THYN1: variants seen among roughly 807,000 people sequenced by gnomAD.
The protein encoded by THYN1 is thymocyte nuclear protein 1, also known as thymocyte protein thy28.
A neutral mutation model predicts 30.6 loss-of-function variants in THYN1; 32 were observed. The observed-to-expected ratio is 1.05, with a 90% CI of 0.79 to 1.40. The LOEUF is 1.40. THYN1 is among the 40% of genes most tolerant of loss of function. THYN1 has a pLI of 0.00. For missense variants in THYN1, 259 were observed against 272.6 expected (o/e 0.95, Z 0.35); for synonymous variants, 107 against 90.8 (o/e 1.18, Z -1.01).
At position 134,250,450 on chromosome 11, in the gene THYN1, A is replaced by G. The variant is rs1255437784; in HGVS notation, c.223-107T>C. On this transcript the variant is annotated intron_variant, in intron 2 of 6. Coordinates refer to ENST00000341541, the MANE Select transcript of THYN1 (RefSeq NM_014174.3). Reference sequence around the variant, plus strand: ...CCTAAAATGAGAGGGGCCACTGGCTATAGAGGAAGTATGTAGTTCACCGGG... The same window carrying G: ...CCTAAAATGAGAGGGGCCACTGGCTGTAGAGGAAGTATGTAGTTCACCGGG... 5.8e-6 allele frequency: 7 copies of G among 1,216,002 alleles called. No individual in the cohort carries two copies. In the African/African-American group the frequency reaches 1.0e-4, roughly 18 times the overall value. The allele number at this position is 1,216,002 out of a possible 1,614,324, so 75.3% of individuals were successfully genotyped here. A position where few individuals can be genotyped will look rare whatever the true frequency, so the allele number is the denominator to read the frequency against.
At chr11:134,248,589 C>T (rs1591490175) in intron 6 of THYN1, 105 bp from the exon 7 acceptor site, 2 of 1,456,638 alleles carry the variant, frequency 1.4e-6, no homozygotes, top group Non-Finnish European at 1.9e-6. Context: ...CTAAGGCGAG[C>T]AGTCATTCGT....
rs770128001 is a variant in THYN1 at position 134,249,215 on chromosome 11, ATT to A, written c.430_431del (p.Asn144SerfsTer4). 5 of 1,614,128 alleles carry A rather than the reference ATT, an allele frequency of 3.1e-6. No individual in the cohort carries two copies. The South Asian group carries it at 4.4e-5, about 14-fold the overall frequency. ...CTTTGCTAGATGGGTCATAATGGGG[ATT>A]GTTTTTCTCAAACTGTGTGTGGTCT... ...YPDHTQFEKN[N>X]PHYDPSSKED... On this transcript the variant is annotated frameshift_variant, in exon 5 of 7. Transcript: ENST00000341541. LOFTEE classifies it high-confidence loss of function.
chr11:134,250,072 GAC>G (rs1427247132), intron 3 of THYN1, 152 bp from the exon 4 acceptor site: 1 of 977,828 alleles, frequency 1.0e-6, no homozygotes, highest in African/African-American at 1.7e-5. Flanking sequence ...AGGACACCCA[GAC>G]TTTTACCAGG....
rs766096798 is a variant in THYN1 at position 134,250,285 on chromosome 11, C to A, written c.281G>T (p.Arg94Leu). ...TCCTTACCCTCTTACCTGGTAGTTA[C>A]GAACACCATCCCAGCATGTTGTCTG... Reference protein sequence around the residue: ...PKQTTCWDGVRNYQARNFLRA... With the variant: ...PKQTTCWDGVLNYQARNFLRA... Residue 94 changes from arginine to leucine, a missense_variant, in exon 3 of 7, where the codon CGT becomes CTT. Physicochemically the swap from Arg to Leu is moderately radical, Grantham distance 102. Transcript: ENST00000341541. 1 of 1,614,144 alleles carries A rather than the reference C, an allele frequency of 6.2e-7. No individual in the cohort carries two copies. Among genetic ancestry groups the A allele is most frequent in the East Asian group, 2.2e-5 (1 of 44,878 alleles).
At position 134,248,811 on chromosome 11, in the gene THYN1, T is replaced by C. The variant is rs781269466; in HGVS notation, c.629A>G (p.Gln210Arg). 3.7e-6 allele frequency: 6 copies of C among 1,614,130 alleles called. No homozygotes were observed. The highest frequency in any genetic ancestry group is 5.1e-6 in the Non-Finnish European group (6 of 1,179,966). Residue 210 changes from glutamine to arginine, a missense_variant and splice_region_variant, in exon 6 of 7, where the codon CAG becomes CGG. Gln to Arg is a conservative substitution (Grantham distance 43). Coordinates refer to ENST00000341541, the MANE Select transcript of THYN1 (RefSeq NM_014174.3). ...RQRLSIQPLT[Q>R]EEFDFVLSLE... Reference sequence around the variant, plus strand: ...TAAAGGAGAGGGCCCACTCTTACCCTGGGTCAGGGGCTGGATTGATAATCT... The same window carrying C: ...TAAAGGAGAGGGCCCACTCTTACCCCGGGTCAGGGGCTGGATTGATAATCT...
chr11:134,250,744 G>C (rs949180715), intron 2 of THYN1, among the ~76,000 whole-genome samples: 1 of 152,194 alleles, frequency 6.6e-6, no homozygotes, highest in African/African-American at 2.4e-5. Context: ...TAAGATTGAG[G>C]TTGGCAGACT....
chr11:134,253,009 T>C lies in THYN1; in HGVS notation c.-127A>G. ...GCAACGAGAGGCAGCCTAGAACGTC[T>C]CCAACTTTTGCGAAACACAGACGCC... On this transcript the variant is annotated 5_prime_UTR_variant, in exon 1 of 7. Transcript: ENST00000341541. 2 of 1,450,724 alleles carry C rather than the reference T, an allele frequency of 1.4e-6. No homozygotes were observed. Among genetic ancestry groups the C allele is most frequent in the Non-Finnish European group, 1.8e-6 (2 of 1,107,290 alleles). The allele number at this position is 1,450,724 out of a possible 1,614,324, so 89.9% of individuals were successfully genotyped here. A position where few individuals can be genotyped will look rare whatever the true frequency, so the allele number is the denominator to read the frequency against.
chr11:134,248,727 G>A (rs1369510153), intron 6 of THYN1, 82 bp downstream of exon 6: 1 of 1,574,052 alleles, frequency 6.4e-7, no homozygotes, highest in Non-Finnish European at 8.7e-7. Flanking sequence ...GAAGTACCAT[G>A]CCCAAGTTTA....
In THYN1 at chr11:134,253,307, C is replaced by A; in HGVS notation, c.-425G>T. ...ATTTGCTGGCTACAGACCCAACACT[C>A]TGCAGACTCGACTGCGGTCCGCCTC... On this transcript the variant is annotated 5_prime_UTR_variant, in exon 1 of 7. Transcript: ENST00000341541. 1 of 1,393,496 alleles carries A rather than the reference C, an allele frequency of 7.2e-7. No individual in the cohort carries two copies. The highest frequency in any genetic ancestry group is 9.3e-7 in the Non-Finnish European group (1 of 1,074,286). The allele number at this position is 1,393,496 out of a possible 1,614,324, so 86.3% of individuals were successfully genotyped here. A position where few individuals can be genotyped will look rare whatever the true frequency, so the allele number is the denominator to read the frequency against.
chr11:134,249,987 T>A, intron 3 of THYN1, 67 bp from the exon 4 acceptor site: 1 of 1,494,238 alleles, frequency 6.7e-7, no homozygotes, highest in Non-Finnish European at 9.2e-7. Flanking sequence ...TTAGCAGAAA[T>A]CAAGTCTGCT....
chr11:134,253,211 G>A lies in THYN1; in HGVS notation c.-329C>T. On this transcript the variant is annotated 5_prime_UTR_variant, in exon 1 of 7. Coordinates refer to ENST00000341541, the MANE Select transcript of THYN1 (RefSeq NM_014174.3). ...AGACACTTTTGTTGGGTGAATATAA[G>A]TAAGCCTTGTGTTACCTTGTTATCC... 26 of 1,321,490 alleles carry A rather than the reference G, an allele frequency of 2.0e-5. No individual in the cohort carries two copies. Among genetic ancestry groups the A allele is most frequent in the Non-Finnish European group, 2.3e-5 (24 of 1,037,456 alleles). 81.9% of individuals were successfully genotyped at this position (1,321,490 alleles called of 1,614,324 possible).
chr11:134,248,912 A>G lies in THYN1; in HGVS notation c.528T>C (p.Ala176=), dbSNP rs1178577473. The G allele has an allele frequency of 4.3e-6, 7 of 1,614,250 alleles. No individual in the cohort carries two copies. The highest frequency in any genetic ancestry group is 5.1e-6 in the Non-Finnish European group (6 of 1,180,048). ...VRMMKRFIPL[A]ELKSYHQAHK... The stretch of plus-strand genomic sequence containing the variant: ...GAGCTTGATGATAGGATTTGAGCTC[A>G]GCCAGGGGAATGAAACGTTTCATCA... The change falls in exon 6 of 7, where the codon GCT becomes GCC. Residue 176 remains alanine (A), a synonymous_variant. Coordinates refer to ENST00000341541, the MANE Select transcript of THYN1 (RefSeq NM_014174.3).
intron 4 of THYN1, 69 bp from the exon 5 acceptor site, chr11:134,249,331 A>G (rs1424489097): frequency 2.7e-6 from 4 of 1,481,846 alleles, no homozygotes; most frequent in African/African-American, 2.8e-5. Context: ...TTTAATCCAT[A>G]TCCAACTTTC....
chr11:134,248,344 A>G lies in THYN1; in HGVS notation c.*94T>C, dbSNP rs1035908886. 1.5e-6 allele frequency: 2 copies of G among 1,378,898 alleles called. No homozygotes were observed. Among genetic ancestry groups the G allele is most frequent in the African/African-American group, 2.9e-5 (2 of 70,150 alleles). The allele number at this position is 1,378,898 out of a possible 1,614,324, so 85.4% of individuals were successfully genotyped here. A position where few individuals can be genotyped will look rare whatever the true frequency, so the allele number is the denominator to read the frequency against. ...ACCACTGAGGTACACAAGCCCAGGT[A>G]AGCATACCAAGCAAGCCCCCTCACA... On this transcript the variant is annotated 3_prime_UTR_variant, in exon 7 of 7. Transcript: ENST00000341541.
intron 5 of THYN1, 75 bp from the exon 6 acceptor site, chr11:134,249,034 A>T: frequency 6.3e-7 from 1 of 1,586,228 alleles, no homozygotes; most frequent in Non-Finnish European, 8.6e-7. Context: ...AACCGCCCAC[A>T]GGAAGCTCCT....
intron 4 of THYN1, 40 bp from the exon 5 acceptor site, chr11:134,249,302 T>C (rs561173354): frequency 6.3e-7 from 1 of 1,584,418 alleles, no homozygotes; most frequent in East Asian, 2.2e-5. Flanking sequence ...CTGCCTGCAG[T>C]CAGCTCCACA....
rs1285692657 is a variant in THYN1, at chr11:134,251,242, T to C, written c.110A>G (p.Asp37Gly). 2 of 1,614,162 alleles carry C rather than the reference T, an allele frequency of 1.2e-6. No homozygotes were observed. The highest frequency in any genetic ancestry group is 4.5e-5 in the East Asian group (2 of 44,884). ...NSGEALAKVE[D>G]SNPQKTSATK... The stretch of plus-strand genomic sequence containing the variant: ...GGCTGAAGTCTTCTGAGGGTTGGAG[T>C]CCTCCACTTTAGCTAATGCCTCACC... Residue 37 changes from aspartate to glycine, a missense_variant, in exon 2 of 7, where the codon GAC becomes GGC. Coordinates refer to ENST00000341541, the MANE Select transcript of THYN1 (RefSeq NM_014174.3).
In THYN1 at chr11:134,249,171, G is replaced by C. The variant is rs775169653; in HGVS notation, c.476C>G (p.Ser159Cys). ...AATAGAAAGCATAGTCTTTACCATGGACCACTTAGGGTTGTCCTCTTTGCT... is the reference window on the plus strand; with the variant it reads ...AATAGAAAGCATAGTCTTTACCATGCACCACTTAGGGTTGTCCTCTTTGCT... ...PSSKEDNPKW[S>C]MVDVQFVRMM... The change falls in exon 5 of 7, where the codon TCC (serine) becomes TGC (cysteine). Residue 159 changes from serine to cysteine, a missense_variant. By Grantham distance (112) the Ser-to-Cys change is moderately radical (BLOSUM62 -1). Coordinates refer to ENST00000341541, the MANE Select transcript of THYN1 (RefSeq NM_014174.3). The C allele has an allele frequency of 6.2e-7, 1 of 1,611,652 alleles. No homozygotes were observed. The highest frequency in any genetic ancestry group is 1.3e-5 in the African/African-American group (1 of 74,756).
chr11:134,250,696 C>T (rs748942609), intron 2 of THYN1, among the ~76,000 whole-genome samples: 3 of 152,176 alleles, frequency 2.0e-5, no homozygotes, highest in Non-Finnish European at 4.4e-5. Flanking sequence ...GGCAGGGAGA[C>T]ACCTAGGAGC....
Sources: allele counts gnomAD v4.1 joint callset (sites outside exome capture counted in the v4.1 genomes callset), GRCh38; gene constraint gnomAD v4.1.1; transcripts MANE v1.5; gene names NCBI Gene and HGNC (gene_info 2026-07-23, HGNC 2026-07-21).